Variants in LPAR1 observed in about 807,000 individuals in gnomAD.
LPAR1 encodes the protein lysophosphatidic acid receptor 1.
In LPAR1, 5 loss-of-function variants were observed where a neutral mutation model predicts 23.8. The observed-to-expected ratio is 0.21, with a 90% CI of 0.11 to 0.44. The LOEUF is 0.44. Among genes scored for constraint, LPAR1 ranks in the 20% least tolerant of loss-of-function variants. LPAR1 has a pLI of 0.99. For missense variants in LPAR1, 311 were observed against 482.8 expected, an observed-to-expected ratio of 0.64 and a Z score of 3.33; for synonymous variants, 160 against 164.7, an observed-to-expected ratio of 0.97 and a Z score of 0.22.
At chr9:110,908,075 G>T (rs1588255187) in intron 5 of LPAR1, among the ~76,000 whole-genome samples, 2 of 151,640 alleles carry the variant, frequency 1.3e-5, no homozygotes, top group East Asian at 3.9e-4. Context: ...GTTGCTTCTT[G>T]TTTAATTGTT....
chr9:110,959,142 A>T (rs1188016644), intron 4 of LPAR1, among the ~76,000 whole-genome samples: 3 of 149,798 alleles, frequency 2.0e-5, no homozygotes, highest in East Asian at 3.9e-4. Flanking sequence ...AGTGACTATT[A>T]AAAAAAAACA....
At chr9:110,947,800 T>C (rs534419484) in intron 4 of LPAR1, among the ~76,000 whole-genome samples, 41 of 152,330 alleles carry the variant, frequency 2.7e-4, no homozygotes, top group African/African-American at 9.6e-4. Context: ...TGGCATAAAC[T>C]CACATGCTAG....
chr9:110,885,874 C>A (rs972221255), intron 5 of LPAR1, among the ~76,000 whole-genome samples: 1 of 152,078 alleles, frequency 6.6e-6, no homozygotes, highest in African/African-American at 2.4e-5. Flanking sequence ...ACCAGCCTGA[C>A]CAATATGATA....
At position 110,985,792 on chromosome 9, in the gene LPAR1, T is replaced by C. The variant is rs551465563; in HGVS notation, c.-181-12234A>G. 3.3e-5 allele frequency among the ~76,000 whole-genome samples: 5 copies of C among 152,232 alleles called. No homozygotes were observed. In the South Asian group the frequency reaches 8.3e-4, roughly 25 times the overall value. On this transcript the variant is annotated intron_variant, in intron 2 of 5. Coordinates refer to ENST00000683809, the MANE Select transcript of LPAR1 (RefSeq NM_001351411.2). ...TGTCACTATGAAGGCAAAGGATATA[T>C]TGGCCAAACTGTTTAGCCTCAAGGT...
chr9:110,879,417 CAAAA>C lies in LPAR1; in HGVS notation c.794-3699_794-3696del, dbSNP rs71371692. On this transcript the variant is annotated intron_variant, in intron 5 of 5. Coordinates refer to ENST00000683809, the MANE Select transcript of LPAR1 (RefSeq NM_001351411.2). ...TGAGTGACAGAGCAAGACTCCATCT[CAAAA>C]AAAAAAAAAAAAAAAAAAAAGGATG... 6.2e-3 allele frequency among the ~76,000 whole-genome samples: 293 copies of C among 47,176 alleles called. 1 individual carries two copies. The highest frequency in any genetic ancestry group is 8.1e-3 in the Non-Finnish European group (230 of 28,514). 30.9% of individuals were successfully genotyped at this position (47,176 alleles called of 152,430 possible). A position where few individuals can be genotyped will look rare whatever the true frequency, so the allele number is the denominator to read the frequency against.
rs2078670721 is a variant in LPAR1 at position 110,874,339 on chromosome 9, G to C, written c.*1082C>G. 6.6e-6 allele frequency: 1 copy of C among 152,436 alleles called. No individual in the cohort carries two copies. The highest frequency in any genetic ancestry group is 6.6e-5 in the Admixed American group (1 of 15,256). 9.4% of individuals were successfully genotyped at this position (152,436 alleles called of 1,614,324 possible). A position where few individuals can be genotyped will look rare whatever the true frequency, so the allele number is the denominator to read the frequency against. ...AATTTTTAATGCCATAAGAAAATGT[G>C]GCAATTTTGCAATGAAAAAGATCTA... On this transcript the variant is annotated 3_prime_UTR_variant, in exon 6 of 6. Coordinates refer to ENST00000683809, the MANE Select transcript of LPAR1 (RefSeq NM_001351411.2).
intron 5 of LPAR1, among the ~76,000 whole-genome samples, chr9:110,915,576 T>C (rs973314461): frequency 2.6e-5 from 4 of 152,084 alleles, no homozygotes; most frequent in Non-Finnish European, 5.9e-5. Flanking sequence ...CAAAAAAGTA[T>C]CTGTAATTCC....
At chr9:111,002,898 T>C (rs1355122988) in intron 2 of LPAR1, among the ~76,000 whole-genome samples, 2 of 152,100 alleles carry the variant, frequency 1.3e-5, no homozygotes, top group Non-Finnish European at 2.9e-5. Flanking sequence ...CGGCAGTCTG[T>C]GGGCCTGAGG....
intron 4 of LPAR1, among the ~76,000 whole-genome samples, chr9:110,948,168 C>A (rs1265430148): frequency 6.6e-6 from 1 of 152,014 alleles, no homozygotes; most frequent in South Asian, 2.1e-4. Flanking sequence ...ATAATCAGGC[C>A]TATTTTCTTT....
chr9:110,969,697 A>G lies in LPAR1; in HGVS notation c.45+2376T>C, dbSNP rs148463961. Among the ~76,000 whole-genome samples, 1,082 of 151,958 alleles carry G rather than the reference A, an allele frequency of 7.1e-3. 17 individuals are homozygous for G. Among genetic ancestry groups the G allele is most frequent in the African/African-American group, 0.024 (1,014 of 41,444 alleles). Reference sequence around the variant, plus strand: ...ACTACACTCCAGCCTGGGCAATAGAATGAGACTCTGTCTCAGAAAAAAAAA... The same window carrying G: ...ACTACACTCCAGCCTGGGCAATAGAGTGAGACTCTGTCTCAGAAAAAAAAA... On this transcript the variant is annotated intron_variant, in intron 4 of 5. Transcript: ENST00000683809.
At position 110,926,444 on chromosome 9, in the gene LPAR1, TCTC is replaced by T. The variant is rs1463563241; in HGVS notation, c.793+14974_793+14976del. Among the ~76,000 whole-genome samples, 4 of 152,236 alleles carry T rather than the reference TCTC, an allele frequency of 2.6e-5. No homozygotes were observed. The East Asian group carries it at 7.7e-4, about 29-fold the overall frequency. On this transcript the variant is annotated intron_variant, in intron 5 of 5. Transcript: ENST00000683809. ...TCATTCTTGGGGGAAACAAATGGTT[TCTC>T]CTCAGGATAATATAAAATCATATGC...
intron 5 of LPAR1, among the ~76,000 whole-genome samples, chr9:110,892,071 C>T (rs1381789879): frequency 6.6e-6 from 1 of 152,158 alleles, no homozygotes; most frequent in African/African-American, 2.4e-5. Flanking sequence ...TATGTCCACA[C>T]AAAGATGTGT....
At chr9:110,933,459 A>G (rs2094517728) in intron 5 of LPAR1, among the ~76,000 whole-genome samples, 1 of 152,204 alleles carries the variant, frequency 6.6e-6, no homozygotes, top group Non-Finnish European at 1.5e-5. Flanking sequence ...TCTAATGCTC[A>G]CAACCACTTG....
chr9:111,030,138 T>C (rs945107221), intron 2 of LPAR1, among the ~76,000 whole-genome samples: 3 of 152,000 alleles, frequency 2.0e-5, no homozygotes, highest in African/African-American at 7.3e-5. Flanking sequence ...GAAACTAAAC[T>C]GACAGCGTCT....
chr9:110,951,483 GA>G (rs1180296657), intron 4 of LPAR1, among the ~76,000 whole-genome samples: 6 of 152,164 alleles, frequency 3.9e-5, no homozygotes, highest in African/African-American at 1.4e-4. Flanking sequence ...CACCGATGTG[GA>G]TAGGCAATTC....
intron 5 of LPAR1, among the ~76,000 whole-genome samples, chr9:110,920,730 C>T (rs1409676): frequency 0.99 from 151,323 of 152,326 alleles, 75,167 homozygotes; most frequent in Middle Eastern, 1. Flanking sequence ...ATCTGTTTTA[C>T]CATCTCTAAA....
chr9:110,998,091 A>G (rs957386438), intron 2 of LPAR1, among the ~76,000 whole-genome samples: 14 of 152,190 alleles, frequency 9.2e-5, no homozygotes, highest in Admixed American at 7.9e-4. Context: ...TGCATTTATT[A>G]ACAAATCTCC....
chr9:110,946,722 C>T (rs983115724), intron 4 of LPAR1, among the ~76,000 whole-genome samples: 3 of 151,924 alleles, frequency 2.0e-5, no homozygotes, highest in African/African-American at 7.3e-5. Flanking sequence ...TGGCAGCAAG[C>T]ATTAAAACCC....
intron 4 of LPAR1, among the ~76,000 whole-genome samples, chr9:110,951,817 T>C (rs528283734): frequency 1.3e-5 from 2 of 152,208 alleles, no homozygotes; most frequent in South Asian, 4.2e-4. Context: ...TGAATTCCAA[T>C]TGCCACTCTT....
Sources: gnomAD v4.1 joint callset for allele counts (sites outside exome capture counted in the v4.1 genomes callset) on GRCh38, gnomAD v4.1.1 for gene constraint, MANE v1.5 for transcripts, NCBI Gene and HGNC (gene_info 2026-07-23, HGNC 2026-07-21) for gene names.